Variants in PKD1L1 observed in about 807,000 individuals in gnomAD.
The protein encoded by PKD1L1 is polycystin 1 like 1, transient receptor potential channel interacting.
PKD1L1 carries 236 observed loss-of-function variants against 323.4 expected under a neutral mutation model. That is an observed-to-expected ratio of 0.73 (90% CI 0.66 to 0.81). The LOEUF is 0.81. Among genes scored for constraint, PKD1L1 ranks in the 40% least tolerant of loss-of-function variants. The pLI is 0.00. For synonymous variants in PKD1L1, 1,344 were observed against 1,335.0 expected, an observed-to-expected ratio of 1.01 and a Z score of -0.15; for missense variants, 3,320 against 3,508.0, an observed-to-expected ratio of 0.95 and a Z score of 1.35.
intron 15 of PKD1L1, 58 bp from the exon 16 acceptor site, chr7:47,890,821 C>A: frequency 6.7e-7 from 1 of 1,492,760 alleles, no homozygotes; most frequent in East Asian, 2.3e-5. Context: ...CAGGGACTAC[C>A]CTGTGTCACT....
Position 47,865,274 on chromosome 7 carries a change from T to C in PKD1L1, c.4093-2A>G, listed in dbSNP as rs1786138233. On this transcript the variant is annotated splice_acceptor_variant, in intron 25 of 56. Transcript: ENST00000289672. LOFTEE classifies it high-confidence loss of function. ...AAGAACAGAACCAATCATTTCTTCC[T>C]GACCAGAAGAAACAACAATAAAACA... 1 of 1,612,278 alleles carries C rather than the reference T, an allele frequency of 6.2e-7. No individual in the cohort carries two copies. The highest frequency in any genetic ancestry group is 8.5e-7 in the Non-Finnish European group (1 of 1,178,944).
At position 47,905,342 on chromosome 7, in the gene PKD1L1, G is replaced by T; in HGVS notation, c.1523-17C>A. Reference sequence around the variant, plus strand: ...CAGAGACGGCTGTGGCAAAAGAAAGGAAGGTATGTCTATGTCAACATAGGA... The same window carrying T: ...CAGAGACGGCTGTGGCAAAAGAAAGTAAGGTATGTCTATGTCAACATAGGA... On this transcript the variant is annotated splice_polypyrimidine_tract_variant and intron_variant, in intron 10 of 56. Coordinates refer to ENST00000289672, the MANE Select transcript of PKD1L1 (RefSeq NM_138295.5). The T allele has an allele frequency of 6.2e-7, 1 of 1,612,370 alleles. No individual in the cohort carries two copies. The highest frequency in any genetic ancestry group is 2.2e-5 in the East Asian group (1 of 44,862).
At chr7:47,784,648 T>C (rs1428675646) in intron 56 of PKD1L1, among the ~76,000 whole-genome samples, 1 of 152,114 alleles carries the variant, frequency 6.6e-6, no homozygotes, top group African/African-American at 2.4e-5. Context: ...ATTTTTTGTA[T>C]TTTTAGTAGA....
chr7:47,898,593 G>A (rs1787011648), intron 13 of PKD1L1, among the ~76,000 whole-genome samples: 1 of 151,952 alleles, frequency 6.6e-6, no homozygotes, highest in African/African-American at 2.4e-5. Flanking sequence ...TTAAATCAAT[G>A]AATATAATAA....
chr7:47,882,768 G>T (rs930422764), intron 19 of PKD1L1, among the ~76,000 whole-genome samples: 1 of 152,248 alleles, frequency 6.6e-6, no homozygotes, highest in Admixed American at 6.5e-5. Flanking sequence ...GCACAGCCAC[G>T]GGCTTTTGTC....
chr7:47,836,207 C>T (rs1785453790), intron 37 of PKD1L1, among the ~76,000 whole-genome samples: 1 of 152,022 alleles, frequency 6.6e-6, no homozygotes, highest in African/African-American at 2.4e-5. Context: ...TCTCTGATAC[C>T]TGGTGTCATA....
Position 47,937,364 on chromosome 7 carries a change from G to A in PKD1L1, c.286-406C>T, listed in dbSNP as rs575496873. Among the ~76,000 whole-genome samples the A allele has an allele frequency of 3.4e-4, 52 of 152,128 alleles. 1 individual carries two copies. Among genetic ancestry groups the A allele is most frequent in the African/African-American group, 1.2e-3 (49 of 41,494 alleles). ...AAGAGGAGGAATGCAGAGCTATGCC[G>A]AAGGTGGAGGCACACCTGCTTCACT... is the stretch of plus-strand genomic sequence containing the variant. On this transcript the variant is annotated intron_variant, in intron 3 of 56. Coordinates refer to ENST00000289672, the MANE Select transcript of PKD1L1 (RefSeq NM_138295.5).
rs746734681 is a variant in PKD1L1 at position 47,905,022 on chromosome 7, C to T, written c.1691+135G>A. On this transcript the variant is annotated intron_variant, in intron 11 of 56. Coordinates refer to ENST00000289672, the MANE Select transcript of PKD1L1 (RefSeq NM_138295.5). ...TAAATCTTATGTTGAGTTTGCTTCA[C>T]AGAAGGACCTAGTGGCCCATTATAA... 122 of 960,954 alleles carry T rather than the reference C, an allele frequency of 1.3e-4. No homozygotes were observed. In the Middle Eastern group the frequency reaches 1.5e-3, roughly 12 times the overall value. The allele number at this position is 960,954 out of a possible 1,614,324, so 59.5% of individuals were successfully genotyped here. A position where few individuals can be genotyped will look rare whatever the true frequency, so the allele number is the denominator to read the frequency against.
At position 47,808,362 on chromosome 7, in the gene PKD1L1, G is replaced by A; in HGVS notation, c.7712C>T (p.Thr2571Ile). The A allele has an allele frequency of 3.1e-6, 5 of 1,614,122 alleles. No homozygotes were observed. Among genetic ancestry groups the A allele is most frequent in the Non-Finnish European group, 4.2e-6 (5 of 1,180,028 alleles). ...LELSVVGVSL[T>I]YYAVSGHLVT... is the part of the protein sequence containing the mutation. ...AAGGTGGCCGGAAACTGCATAGTAG[G>A]TGAGGCTCACTCCAACCACGGAGAG... Residue 2571 changes from threonine to isoleucine, a missense_variant, in exon 52 of 57, where the codon ACC (threonine) becomes ATC (isoleucine). Physicochemically the swap from Thr to Ile is moderately conservative, Grantham distance 89. Transcript: ENST00000289672.
intron 26 of PKD1L1, among the ~76,000 whole-genome samples, chr7:47,860,962 G>A (rs756613557): frequency 1.2e-4 from 19 of 152,150 alleles, no homozygotes; most frequent in Admixed American, 1.2e-3. Context: ...TGAGTGCAGC[G>A]AGGTGTGCAC....
intron 41 of PKD1L1, among the ~76,000 whole-genome samples, chr7:47,831,808 G>A (rs1785354259): frequency 6.6e-6 from 1 of 152,200 alleles, no homozygotes; most frequent in African/African-American, 2.4e-5. Flanking sequence ...AGAGAGGTCA[G>A]TTTCCATTTC....
At chr7:47,807,006 G>A (rs1418255430) in intron 52 of PKD1L1, among the ~76,000 whole-genome samples, 3 of 152,012 alleles carry the variant, frequency 2.0e-5, no homozygotes, top group South Asian at 4.2e-4. Flanking sequence ...GGACTCTGTC[G>A]GGACACACAC....
intron 53 of PKD1L1, among the ~76,000 whole-genome samples, chr7:47,801,211 C>A (rs1451019334): frequency 6.6e-6 from 1 of 152,122 alleles, no homozygotes; most frequent in Non-Finnish European, 1.5e-5. Context: ...CCTTTGGCCC[C>A]CTTAGGAAGC....
In PKD1L1 at chr7:47,892,034, T is replaced by C. The variant is rs557772981; in HGVS notation, c.2454-1271A>G. On this transcript the variant is annotated intron_variant, in intron 15 of 56. Transcript: ENST00000289672. ...CGCAACTCATCTATTGCTTTATAAA[T>C]AAATATTCCCTGACTAGCTACTACA... Among the ~76,000 whole-genome samples, 8 of 152,290 alleles carry C rather than the reference T, an allele frequency of 5.3e-5. No homozygotes were observed. In the South Asian group the frequency reaches 1.7e-3, roughly 32 times the overall value.
chr7:47,858,751 T>C lies in PKD1L1; in HGVS notation c.4284A>G (p.Glu1428=). ...CCTTCGAGTTTTCTTGCTCAGAGAC[T>C]TCCCAGACTCTGGATATGAGACCGA... ...ELIGLISRVW[E]VSEQENSKEE... is the part of the protein sequence containing the mutation. The change falls in exon 27 of 57, where the codon GAA becomes GAG. Residue 1428 remains glutamate (E), a synonymous_variant. Coordinates refer to ENST00000289672, the MANE Select transcript of PKD1L1 (RefSeq NM_138295.5). The C allele has an allele frequency of 2.5e-6, 4 of 1,614,190 alleles. No homozygotes were observed. The highest frequency in any genetic ancestry group is 1.1e-5 in the South Asian group (1 of 91,082).
At chr7:47,830,567 T>C (rs1203246520) in intron 42 of PKD1L1, among the ~76,000 whole-genome samples, 1 of 152,204 alleles carries the variant, frequency 6.6e-6, no homozygotes, top group Non-Finnish European at 1.5e-5. Context: ...CTGATGTTCC[T>C]ATTTTACAGA....
chr7:47,799,054 C>G (rs532077464), intron 54 of PKD1L1, among the ~76,000 whole-genome samples: 13 of 152,240 alleles, frequency 8.5e-5, no homozygotes, highest in Admixed American at 7.2e-4. Context: ...CCAGTCTTCC[C>G]CTATGGACTG....
At chr7:47,792,902 G>A (rs1786984079) in intron 55 of PKD1L1, 105 bp from the exon 56 acceptor site, 2 of 1,089,236 alleles carry the variant, frequency 1.8e-6, no homozygotes, top group South Asian at 3.2e-5. Context: ...ACAGTATTGG[G>A]CTATGTTAGG....
At chr7:47,865,100 C>A in intron 26 of PKD1L1, 116 bp downstream of exon 26, 1 of 737,012 alleles carries the variant, frequency 1.4e-6, no homozygotes, top group Non-Finnish European at 2.2e-6. Context: ...GGGAAAATCA[C>A]ATTTCTAATC....
Sources: allele counts gnomAD v4.1 joint callset (sites outside exome capture counted in the v4.1 genomes callset), GRCh38; gene constraint gnomAD v4.1.1; transcripts MANE v1.5; gene names NCBI Gene and HGNC (gene_info 2026-07-23, HGNC 2026-07-21).